Variants in DLGAP2 observed in about 807,000 individuals in gnomAD.
DLGAP2 encodes disks large-associated protein 2.
In DLGAP2, 26 loss-of-function variants were observed where a neutral mutation model predicts 100.3. That is an observed-to-expected ratio of 0.26 (90% CI 0.19 to 0.36). The LOEUF (loss-of-function observed/expected upper bound fraction) is 0.36, where lower values mean the gene tolerates loss of function less well. Ranked by LOEUF, DLGAP2 falls within the 10% of genes least tolerant of loss-of-function variation. DLGAP2 has a pLI of 1.00. For synonymous variants in DLGAP2, 886 were observed against 630.1 expected, an observed-to-expected ratio of 1.41 and a Z score of -6.08; for missense variants, 1,858 against 1,453.2, an observed-to-expected ratio of 1.28 and a Z score of -4.53.
At chr8:1,433,354 C>G (rs776866826) in intron 3 of DLGAP2, among the ~76,000 whole-genome samples, 1 of 152,212 alleles carries the variant, frequency 6.6e-6, no homozygotes, top group Non-Finnish European at 1.5e-5. Context: ...AGTGCATGGC[C>G]TACGTGTAGC....
At chr8:963,779 A>G (rs891350763) in intron 2 of DLGAP2, among the ~76,000 whole-genome samples, 6 of 152,252 alleles carry the variant, frequency 3.9e-5, no homozygotes, top group African/African-American at 1.2e-4. Context: ...TATGAACAGT[A>G]GGAATTCCAT....
chr8:1,702,714 T>C lies in DLGAP2; in HGVS notation c.*1308T>C, dbSNP rs1173240552. 1.3e-5 allele frequency: 2 copies of C among 152,252 alleles called. No homozygotes were observed. The highest frequency in any genetic ancestry group is 2.4e-5 in the African/African-American group (1 of 41,458). The allele number at this position is 152,252 out of a possible 1,614,324, so 9.4% of individuals were successfully genotyped here. A position where few individuals can be genotyped will look rare whatever the true frequency, so the allele number is the denominator to read the frequency against. On this transcript the variant is annotated 3_prime_UTR_variant, in exon 15 of 15. Coordinates refer to ENST00000637795, the MANE Select transcript of DLGAP2 (RefSeq NM_001346810.2). ...GGCTTTCTGTGTATATAATTAAATT[T>C]AGCTGCTGCAACCATTGTTCTGACA...
intron 1 of DLGAP2, among the ~76,000 whole-genome samples, chr8:905,037 T>C (rs1798347596): frequency 6.6e-6 from 1 of 152,170 alleles, no homozygotes. Context: ...TGCCTGTGAC[T>C]GTGGCGGGTA....
chr8:1,520,370 C>A (rs1276334662), intron 4 of DLGAP2, among the ~76,000 whole-genome samples: 1 of 152,228 alleles, frequency 6.6e-6, no homozygotes, highest in Non-Finnish European at 1.5e-5. Flanking sequence ...TTCCCGTGTT[C>A]TTCACCCCTC....
chr8:1,659,032 T>C (rs1585039675), intron 8 of DLGAP2, among the ~76,000 whole-genome samples: 1 of 152,160 alleles, frequency 6.6e-6, no homozygotes, highest in Non-Finnish European at 1.5e-5. Flanking sequence ...GTCCCAGAGA[T>C]TGTGGGACAC....
At chr8:1,554,408 G>C (rs953700818) in intron 5 of DLGAP2, among the ~76,000 whole-genome samples, 1 of 152,210 alleles carries the variant, frequency 6.6e-6, no homozygotes, top group African/African-American at 2.4e-5. Context: ...TCTCATCAGA[G>C]TTGGGTGTGG....
At chr8:1,382,732 A>G (rs1418130640) in intron 3 of DLGAP2, among the ~76,000 whole-genome samples, 1 of 152,158 alleles carries the variant, frequency 6.6e-6, no homozygotes, top group African/African-American at 2.4e-5. Flanking sequence ...ACCCAGTGAG[A>G]CCCTGTCTCA....
intron 3 of DLGAP2, among the ~76,000 whole-genome samples, chr8:1,431,840 C>T (rs1002923911): frequency 3.3e-5 from 5 of 152,202 alleles, no homozygotes; most frequent in Non-Finnish European, 5.9e-5. Context: ...TGTCGATGGC[C>T]ACCAAGCCCT....
chr8:1,171,962 C>G (rs933577072), intron 2 of DLGAP2, among the ~76,000 whole-genome samples: 2 of 152,112 alleles, frequency 1.3e-5, no homozygotes, highest in East Asian at 1.9e-4. Context: ...TTAGTTGATG[C>G]AGTTTCTTCC....
At position 1,151,632 on chromosome 8, in the gene DLGAP2, A is replaced by C. The variant is rs568959933; in HGVS notation, c.74-107219A>C. Among the ~76,000 whole-genome samples the C allele has an allele frequency of 4.5e-4, 68 of 152,274 alleles. 1 individual carries two copies. The highest frequency in any genetic ancestry group is 1.6e-3 in the African/African-American group (66 of 41,554). On this transcript the variant is annotated intron_variant, in intron 2 of 14. Transcript: ENST00000637795. Reference sequence around the variant, plus strand: ...AATGAGTGCACTGGCTTTAGGTAGAAAGGAGGAGGGCAGAGAGCTCTTCCG... The same window carrying C: ...AATGAGTGCACTGGCTTTAGGTAGACAGGAGGAGGGCAGAGAGCTCTTCCG...
chr8:1,284,500 A>T (rs544387831), intron 3 of DLGAP2, among the ~76,000 whole-genome samples: 2 of 152,316 alleles, frequency 1.3e-5, no homozygotes, highest in African/African-American at 4.8e-5. Flanking sequence ...ACAAGACCAC[A>T]GTCCCCACGC....
intron 2 of DLGAP2, among the ~76,000 whole-genome samples, chr8:1,218,960 T>C (rs1183087045): frequency 6.6e-6 from 1 of 152,186 alleles, no homozygotes; most frequent in Non-Finnish European, 1.5e-5. Context: ...GCTATTAATT[T>C]TTGTACACTG....
At chr8:1,019,846 G>T (rs1441005475) in intron 2 of DLGAP2, 1 of 152,192 alleles carries the variant, frequency 6.6e-6, no homozygotes, top group Non-Finnish European at 1.5e-5. Context: ...AGAGCCACTG[G>T]TTTCTTGCAG....
chr8:1,387,546 T>C (rs989027045), intron 3 of DLGAP2, among the ~76,000 whole-genome samples: 2 of 152,102 alleles, frequency 1.3e-5, no homozygotes, highest in Non-Finnish European at 2.9e-5. Context: ...CGGCAGTGAG[T>C]GTATCTGACG....
chr8:1,201,437 C>T (rs1453167597), intron 2 of DLGAP2, among the ~76,000 whole-genome samples: 2 of 152,210 alleles, frequency 1.3e-5, no homozygotes, highest in East Asian at 1.9e-4. Context: ...ATGAAGACGC[C>T]GAGAGGACCT....
intron 1 of DLGAP2, among the ~76,000 whole-genome samples, chr8:771,830 G>A (rs757995844): frequency 5.3e-5 from 8 of 152,210 alleles, no homozygotes; most frequent in Non-Finnish European, 1.2e-4. Context: ...CAATGGAAAG[G>A]GCAGTGTGGA....
At chr8:1,318,269 A>G (rs919530358) in intron 3 of DLGAP2, among the ~76,000 whole-genome samples, 2 of 152,202 alleles carry the variant, frequency 1.3e-5, no homozygotes, top group Non-Finnish European at 1.5e-5. Context: ...AATCGTGGCA[A>G]CAACATGAAA....
intron 2 of DLGAP2, among the ~76,000 whole-genome samples, chr8:967,866 A>G (rs1169359226): frequency 1.2e-5 from 1 of 81,604 alleles, no homozygotes; most frequent in Non-Finnish European, 2.4e-5. Flanking sequence ...ATATATATAT[A>G]TATATATAAA....
At chr8:1,671,447 G>A (rs1480982352) in intron 10 of DLGAP2, among the ~76,000 whole-genome samples, 5 of 152,224 alleles carry the variant, frequency 3.3e-5, no homozygotes, top group African/African-American at 9.6e-5. Flanking sequence ...CAGCGTCCAC[G>A]TCACTGAACA....
Sources: gnomAD v4.1 joint callset for allele counts (sites outside exome capture counted in the v4.1 genomes callset) on GRCh38, gnomAD v4.1.1 for gene constraint, MANE v1.5 for transcripts, NCBI Gene and HGNC (gene_info 2026-07-23, HGNC 2026-07-21) for gene names.